The following EBF3 variants were observed in gnomAD, a reference collection of about 807,000 sequenced individuals.
The protein encoded by EBF3 is EBF transcription factor 3, also known as transcription factor COE3.
A neutral mutation model predicts 77.1 loss-of-function variants in EBF3; 18 were observed. The observed-to-expected ratio is 0.23, with a 90% CI of 0.16 to 0.35. The LOEUF (loss-of-function observed/expected upper bound fraction) is 0.35. Ranked by LOEUF, EBF3 falls within the 10% of genes least tolerant of loss-of-function variation. The pLI, the probability that EBF3 is intolerant of heterozygous loss-of-function variation, is 1.00. For missense variants in EBF3, 558 were observed against 860.0 expected (o/e 0.65, Z 4.39); for synonymous variants, 350 against 343.5 (o/e 1.02, Z -0.21).
intron 6 of EBF3, among the ~76,000 whole-genome samples, chr10:129,930,365 A>G (rs1337575789): frequency 6.6e-6 from 1 of 151,762 alleles, no homozygotes; most frequent in Non-Finnish European, 1.5e-5. Flanking sequence ...CTATATTAAC[A>G]AATCCCCCTC....
intron 6 of EBF3, among the ~76,000 whole-genome samples, chr10:129,898,619 TTAAAAC>T (rs1715731887): frequency 6.6e-6 from 1 of 152,226 alleles, no homozygotes; most frequent in Non-Finnish European, 1.5e-5. Flanking sequence ...TAGCATTTAT[TTAAAAC>T]TAAACTGTTG....
At position 129,952,102 on chromosome 10, in the gene EBF3, T is replaced by A. The variant is rs1326662379; in HGVS notation, c.554+5156A>T. 6.6e-6 allele frequency among the ~76,000 whole-genome samples: 1 copy of A among 152,194 alleles called. No individual in the cohort carries two copies. Among genetic ancestry groups the A allele is most frequent in the African/African-American group, 2.4e-5 (1 of 41,454 alleles). ...ATTGCCAAATTTCTAGCCAATACTT[T>A]CCCTTCACTGAAGGCCCAATGTATT... On this transcript the variant is annotated intron_variant, in intron 6 of 16. Coordinates refer to ENST00000440978, the MANE Select transcript of EBF3 (RefSeq NM_001375380.1). The surrounding 1 kb of genome is among the most constrained non-coding windows in gnomAD (Gnocchi z 4.7).
rs1849914461 is a variant in EBF3, at chr10:129,840,138, G to A, written c.1759+107C>T. ...ATCAAGGTGGGCCACGGGAGAACAT[G>A]CAGCAGTCACAGAGGTGCCAGGAGA... On this transcript the variant is annotated intron_variant, in intron 15 of 16. Transcript: ENST00000440978. The A allele has an allele frequency of 2.2e-6, 3 of 1,389,382 alleles. No homozygotes were observed. In the Admixed American group the frequency reaches 7.1e-5, roughly 33 times the overall value. 86.1% of individuals were successfully genotyped at this position (1,389,382 alleles called of 1,614,324 possible).
chr10:129,864,581 G>A lies in EBF3; in HGVS notation c.1039+2560C>T, dbSNP rs1222664781. Reference sequence around the variant, plus strand: ...TGAACTCATGAAAGGATCCACTGAAGGCATCCACTAAAGCATTCATCCGGG... The same window carrying A: ...TGAACTCATGAAAGGATCCACTGAAAGCATCCACTAAAGCATTCATCCGGG... On this transcript the variant is annotated intron_variant, in intron 10 of 16. Transcript: ENST00000440978. The surrounding 1 kb of genome is among the most constrained non-coding windows in gnomAD (Gnocchi z 4.4). Among the ~76,000 whole-genome samples the A allele has an allele frequency of 6.6e-6, 1 of 152,204 alleles. No homozygotes were observed. The highest frequency in any genetic ancestry group is 2.4e-5 in the African/African-American group (1 of 41,450).
chr10:129,915,491 CACACACAAA>C (rs1390781172), intron 6 of EBF3, among the ~76,000 whole-genome samples: 2 of 101,154 alleles, frequency 2.0e-5, no homozygotes, highest in African/African-American at 7.5e-5. Flanking sequence ...CACACACACA[CACACACAAA>C]AAAGCCAAGA....
intron 6 of EBF3, among the ~76,000 whole-genome samples, chr10:129,940,988 C>T (rs1168462446): frequency 6.6e-6 from 1 of 152,218 alleles, no homozygotes; most frequent in African/African-American, 2.4e-5. Flanking sequence ...TACAATGGGA[C>T]CCACCCCAGC....
intron 6 of EBF3, among the ~76,000 whole-genome samples, chr10:129,916,477 A>G (rs949534081): frequency 4.6e-5 from 7 of 152,214 alleles, no homozygotes; most frequent in African/African-American, 1.7e-4. Flanking sequence ...GACACCAAGA[A>G]TGATTATCCG....
At chr10:129,916,485 C>G (rs1037515249) in intron 6 of EBF3, among the ~76,000 whole-genome samples, 1 of 152,230 alleles carries the variant, frequency 6.6e-6, no homozygotes, top group Non-Finnish European at 1.5e-5. Context: ...GAATGATTAT[C>G]CGTGCGGGGC....
chr10:129,860,242 C>A (rs1212227513), intron 10 of EBF3, among the ~76,000 whole-genome samples: 1 of 151,958 alleles, frequency 6.6e-6, no homozygotes, highest in Non-Finnish European at 1.5e-5. Flanking sequence ...CCGCTCTACC[C>A]CCGACTCTCC....
intron 6 of EBF3, among the ~76,000 whole-genome samples, chr10:129,937,947 G>A (rs928415787): frequency 6.6e-6 from 1 of 152,138 alleles, no homozygotes; most frequent in Admixed American, 6.5e-5. Context: ...CTAAATAATG[G>A]TATTTTCTTT....
rs1187417881 is a variant in EBF3, at chr10:129,963,889, G to A, written c.-121C>T. The A allele has an allele frequency of 8.5e-7, 1 of 1,173,956 alleles. No homozygotes were observed. Among genetic ancestry groups the A allele is most frequent in the Non-Finnish European group, 1.1e-6 (1 of 951,024 alleles). 72.7% of individuals were successfully genotyped at this position (1,173,956 alleles called of 1,614,324 possible). A position where few individuals can be genotyped will look rare whatever the true frequency, so the allele number is the denominator to read the frequency against. On this transcript the variant is annotated 5_prime_UTR_variant, in exon 1 of 17. Coordinates refer to ENST00000440978, the MANE Select transcript of EBF3 (RefSeq NM_001375380.1). The surrounding 1 kb of genome is among the most constrained non-coding windows in gnomAD (Gnocchi z 7.1). ...TCGCCCTGCTCGGCGCCTGCGGTCC[G>A]GCCCCGCCGCCGGCTTCAGCCCGTC...
At chr10:129,854,289 C>T (rs769645324) in intron 10 of EBF3, among the ~76,000 whole-genome samples, 10 of 151,958 alleles carry the variant, frequency 6.6e-5, no homozygotes, top group East Asian at 5.8e-4. Flanking sequence ...ATCAATGGGG[C>T]GAGATCAATG....
At chr10:129,924,415 A>AAAC (rs1292875897) in intron 6 of EBF3, among the ~76,000 whole-genome samples, 25 of 144,670 alleles carry the variant, frequency 1.7e-4, no homozygotes, top group African/African-American at 6.5e-4. Flanking sequence ...ACTCCGTCTC[A>AAAC]AACAACAACA....
At chr10:129,899,425 C>G (rs1043981512) in intron 6 of EBF3, among the ~76,000 whole-genome samples, 2 of 152,194 alleles carry the variant, frequency 1.3e-5, no homozygotes, top group Non-Finnish European at 2.9e-5. Context: ...TGGACTGTGC[C>G]GGAGGACGGT....
At position 129,964,065 on chromosome 10, in the gene EBF3, C is replaced by T; in HGVS notation, c.-297G>A. 2 of 985,194 alleles carry T rather than the reference C, an allele frequency of 2.0e-6. No individual in the cohort carries two copies. Among genetic ancestry groups the T allele is most frequent in the Non-Finnish European group, 2.4e-6 (2 of 829,868 alleles). The allele number at this position is 985,194 out of a possible 1,614,324, so 61.0% of individuals were successfully genotyped here. On this transcript the variant is annotated 5_prime_UTR_variant, in exon 1 of 17. Transcript: ENST00000440978. The surrounding 1 kb of genome is among the most constrained non-coding windows in gnomAD (Gnocchi z 4.5). ...TGTTGTTGTTTGCAGGCGCGCTCAACGTGGTGTCATCCTAGCCAGGCGGCG... is the reference window on the plus strand; with the variant it reads ...TGTTGTTGTTTGCAGGCGCGCTCAATGTGGTGTCATCCTAGCCAGGCGGCG...
intron 3 of EBF3, 23 bp downstream of exon 3, chr10:129,962,919 G>C (rs1262429489): frequency 1.2e-6 from 2 of 1,613,224 alleles, no homozygotes; most frequent in Non-Finnish European, 1.7e-6. Context: ...TGCAGGGGCG[G>C]CGAGCACGCA....
intron 6 of EBF3, among the ~76,000 whole-genome samples, chr10:129,889,072 A>G (rs1370282001): frequency 6.6e-6 from 1 of 152,170 alleles, no homozygotes; most frequent in East Asian, 1.9e-4. Flanking sequence ...ATGGGAAGGA[A>G]CCAGCAGCTG....
chr10:129,905,722 G>GGGGAA (rs1384140617), intron 6 of EBF3, among the ~76,000 whole-genome samples: 1 of 152,136 alleles, frequency 6.6e-6, no homozygotes, highest in Non-Finnish European at 1.5e-5. Context: ...GGACGGTGGC[G>GGGGAA]GGGAAGGGAA....
At chr10:129,933,216 A>ACACACGTGCACCCACACG (rs1857146049) in intron 6 of EBF3, among the ~76,000 whole-genome samples, 1 of 152,120 alleles carries the variant, frequency 6.6e-6, no homozygotes, top group African/African-American at 2.4e-5. Context: ...GCACCCACAC[A>ACACACGTGCACCCACACG]CACACATACG....
Sources: gnomAD v4.1 joint callset for allele counts (sites outside exome capture counted in the v4.1 genomes callset) on GRCh38, gnomAD v4.1.1 for gene constraint, Gnocchi (gnomAD v3.1) non-coding constraint, MANE v1.5 for transcripts, NCBI Gene and HGNC (gene_info 2026-07-23, HGNC 2026-07-21) for gene names.